Variants in JARID2 observed in about 807,000 individuals in gnomAD.
JARID2 encodes the protein protein Jumonji.
JARID2 carries 21 observed loss-of-function variants against 125.6 expected under a neutral mutation model. That is an observed-to-expected ratio of 0.17 (90% CI 0.12 to 0.24). The LOEUF (loss-of-function observed/expected upper bound fraction) is 0.24, where lower values mean the gene tolerates loss of function less well. Ranked by LOEUF, JARID2 falls within the 10% of genes least tolerant of loss-of-function variation. JARID2 has a pLI of 1.00. For synonymous variants in JARID2, 736 were observed against 661.6 expected (o/e 1.11, Z -1.73); for missense variants, 1,303 against 1,639.6 (o/e 0.79, Z 3.55).
intron 8 of JARID2, 101 bp downstream of exon 8, chr6:15,501,510 T>G: frequency 8.3e-7 from 1 of 1,201,082 alleles, no homozygotes; most frequent in Non-Finnish European, 1.1e-6. Flanking sequence ...GTTCTCTGAT[T>G]CCCTGGGGTG....
chr6:15,388,728 A>T (rs1764885845), intron 2 of JARID2, among the ~76,000 whole-genome samples: 1 of 152,032 alleles, frequency 6.6e-6, no homozygotes, highest in Non-Finnish European at 1.5e-5. Flanking sequence ...TTGACATCCA[A>T]GGAGAGCTGT....
chr6:15,376,036 A>G (rs530923633), intron 2 of JARID2, among the ~76,000 whole-genome samples: 1 of 152,366 alleles, frequency 6.6e-6, no homozygotes, highest in South Asian at 2.1e-4. Flanking sequence ...GCTGTCAGCC[A>G]GTTGGCCAAA....
chr6:15,388,832 CT>C (rs1459664332), intron 2 of JARID2, among the ~76,000 whole-genome samples: 4 of 152,122 alleles, frequency 2.6e-5, no homozygotes, highest in African/African-American at 9.6e-5. Flanking sequence ...TTCATTTATG[CT>C]TTGGAGCTAA....
chr6:15,451,266 A>G (rs1767909144), intron 3 of JARID2, among the ~76,000 whole-genome samples: 2 of 152,248 alleles, frequency 1.3e-5, no homozygotes, highest in Non-Finnish European at 2.9e-5. Flanking sequence ...GTAGTTAACA[A>G]ATGGTAAGTT....
Position 15,350,672 on chromosome 6 carries a change from A to G in JARID2, c.46-23445A>G, listed in dbSNP as rs151232445. On this transcript the variant is annotated intron_variant, in intron 1 of 17. Transcript: ENST00000341776. ...GTTGGGCCTTCACTGATTGCATTTA[A>G]TTGCTATTTAAACAAGATTCACATG... is the stretch of plus-strand genomic sequence containing the variant. Among the ~76,000 whole-genome samples, 4 of 150,536 alleles carry G rather than the reference A, an allele frequency of 2.7e-5. No homozygotes were observed. In the East Asian group the frequency reaches 7.8e-4, roughly 29 times the overall value.
chr6:15,355,259 T>C (rs1189414273), intron 1 of JARID2, among the ~76,000 whole-genome samples: 1 of 151,412 alleles, frequency 6.6e-6, no homozygotes, highest in African/African-American at 2.5e-5. Flanking sequence ...AAATTGTCAA[T>C]GAACTTGATA....
rs149000020 is a variant in JARID2 at position 15,426,461 on chromosome 6, A to T, written c.323+16096A>T. Among the ~76,000 whole-genome samples the T allele has an allele frequency of 3.9e-3, 595 of 152,348 alleles. 4 individuals are homozygous for T. Among genetic ancestry groups the T allele is most frequent in the Middle Eastern group, 0.024 (7 of 294 alleles). ...ACATTGGACAGGCCCAGCTAGGCAG[A>T]CTGGAAATGACCAAGAACCCAGGTA... is the stretch of plus-strand genomic sequence containing the variant. On this transcript the variant is annotated intron_variant, in intron 3 of 17. Coordinates refer to ENST00000341776, the MANE Select transcript of JARID2 (RefSeq NM_004973.4).
intron 5 of JARID2, among the ~76,000 whole-genome samples, chr6:15,476,189 G>C (rs1769334313): frequency 1.3e-5 from 2 of 152,202 alleles, no homozygotes; most frequent in Admixed American, 1.3e-4. Context: ...TTACCACTGG[G>C]GTGGGTTTGG....
At chr6:15,394,893 C>T (rs1765159820) in intron 2 of JARID2, among the ~76,000 whole-genome samples, 1 of 151,508 alleles carries the variant, frequency 6.6e-6, no homozygotes, top group Non-Finnish European at 1.5e-5. Flanking sequence ...CAAAGCATTG[C>T]TAATCGGTCT....
In JARID2 at chr6:15,355,890, C is replaced by T. The variant is rs189911055; in HGVS notation, c.46-18227C>T. On this transcript the variant is annotated intron_variant, in intron 1 of 17. Coordinates refer to ENST00000341776, the MANE Select transcript of JARID2 (RefSeq NM_004973.4). Reference sequence around the variant, plus strand: ...CTTCCCCAAGTGCTGGGATTACAGGCGTGAGCCAGTGTGCCCGGCCACTTA... The same window carrying T: ...CTTCCCCAAGTGCTGGGATTACAGGTGTGAGCCAGTGTGCCCGGCCACTTA... Among the ~76,000 whole-genome samples, 457 of 152,350 alleles carry T rather than the reference C, an allele frequency of 3.0e-3. 3 individuals are homozygous for T. Among genetic ancestry groups the T allele is most frequent in the African/African-American group, 0.01 (434 of 41,586 alleles).
At chr6:15,466,579 G>T (rs750315791) in intron 4 of JARID2, among the ~76,000 whole-genome samples, 1 of 152,206 alleles carries the variant, frequency 6.6e-6, no homozygotes, top group Non-Finnish European at 1.5e-5. Context: ...GAGTGCTGTA[G>T]TTACTCTTGT....
chr6:15,454,606 T>C (rs1009088121), intron 4 of JARID2, among the ~76,000 whole-genome samples: 5 of 151,772 alleles, frequency 3.3e-5, no homozygotes, highest in African/African-American at 9.7e-5. Flanking sequence ...ACCTCTCCAA[T>C]AGCTAGACCT....
intron 17 of JARID2, among the ~76,000 whole-genome samples, chr6:15,519,141 G>A (rs1412278335): frequency 1.3e-5 from 2 of 152,254 alleles, no homozygotes; most frequent in South Asian, 2.1e-4. Flanking sequence ...GGGAGGGAAC[G>A]GTGTCCTCCT....
intron 2 of JARID2, among the ~76,000 whole-genome samples, chr6:15,387,638 C>G (rs1764838977): frequency 6.6e-6 from 1 of 152,136 alleles, no homozygotes; most frequent in South Asian, 2.1e-4. Flanking sequence ...AATTTTATTC[C>G]AGTCTAACTG....
At chr6:15,514,337 C>T (rs574714225) in intron 16 of JARID2, among the ~76,000 whole-genome samples, 9 of 152,348 alleles carry the variant, frequency 5.9e-5, no homozygotes, top group East Asian at 3.9e-4. Context: ...CCTGCCTCCC[C>T]GGGCCTCGTC....
chr6:15,387,110 T>C (rs1764816395), intron 2 of JARID2, among the ~76,000 whole-genome samples: 1 of 152,210 alleles, frequency 6.6e-6, no homozygotes, highest in Non-Finnish European at 1.5e-5. Context: ...ACTTGGCTTT[T>C]TTCCCCAGAG....
intron 5 of JARID2, among the ~76,000 whole-genome samples, chr6:15,479,078 A>AT (rs1769488199): frequency 6.6e-6 from 1 of 152,152 alleles, no homozygotes; most frequent in African/African-American, 2.4e-5. Context: ...TCTTGCCTTG[A>AT]TTCTTGCCAG....
At chr6:15,399,497 GT>G (rs1407202973) in intron 2 of JARID2, among the ~76,000 whole-genome samples, 1 of 152,128 alleles carries the variant, frequency 6.6e-6, no homozygotes, top group Non-Finnish European at 1.5e-5. Flanking sequence ...ATGTCTGTGT[GT>G]GTGTGTGTGT....
intron 1 of JARID2, among the ~76,000 whole-genome samples, chr6:15,268,743 G>A (rs952372758): frequency 6.6e-6 from 1 of 152,176 alleles, no homozygotes; most frequent in African/African-American, 2.4e-5. Context: ...ACATGGGAGA[G>A]CTTCTTCCTG....
Sources: gnomAD v4.1 joint callset for allele counts (sites outside exome capture counted in the v4.1 genomes callset) on GRCh38, gnomAD v4.1.1 for gene constraint, MANE v1.5 for transcripts, NCBI Gene and HGNC (gene_info 2026-07-23, HGNC 2026-07-21) for gene names.